Variants in KCNQ1 observed in about 807,000 individuals in gnomAD.
The protein encoded by KCNQ1 is potassium voltage-gated channel subfamily KQT member 1.
Under a neutral mutation model 72.4 loss-of-function variants are expected in KCNQ1, and 49 were observed. The observed-to-expected ratio is 0.68, with a 90% CI of 0.54 to 0.86. KCNQ1 has a LOEUF of 0.86. Ranked by LOEUF, KCNQ1 falls within the 40% of genes least tolerant of loss-of-function variation. The pLI, the probability that KCNQ1 is intolerant of heterozygous loss-of-function variation, is 0.00. For synonymous variants in KCNQ1, 450 were observed against 412.6 expected, an observed-to-expected ratio of 1.09 and a Z score of -1.10; for missense variants, 790 against 945.1, an observed-to-expected ratio of 0.84 and a Z score of 2.15.
At chr11:2,778,167 C>A in intron 15 of KCNQ1, 130 bp downstream of exon 15, 1 of 901,932 alleles carries the variant, frequency 1.1e-6, no homozygotes. Context: ...CCTACTGCAG[C>A]CTGCCCAGCA....
intron 2 of KCNQ1, among the ~76,000 whole-genome samples, chr11:2,555,239 T>C (rs1311240617): frequency 6.6e-6 from 1 of 152,200 alleles, no homozygotes; most frequent in Admixed American, 6.5e-5. Flanking sequence ...AATTCTTAAA[T>C]ATGACATTTT....
intron 11 of KCNQ1, among the ~76,000 whole-genome samples, chr11:2,739,449 C>T (rs1489463246): frequency 1.3e-5 from 2 of 152,246 alleles, no homozygotes; most frequent in Non-Finnish European, 2.9e-5. Flanking sequence ...CATATTCCCC[C>T]ACCCCCAAAG....
chr11:2,589,463 G>A (rs1300304270), intron 10 of KCNQ1, among the ~76,000 whole-genome samples: 1 of 152,240 alleles, frequency 6.6e-6, no homozygotes, highest in Non-Finnish European at 1.5e-5. Flanking sequence ...CTAGGGTTTA[G>A]ATGTCCTCCA....
chr11:2,699,456 G>GCCGGGAGAGTGCCGCGCTGAGGAGCCC (rs1475356913), intron 11 of KCNQ1: 17 of 397,168 alleles, frequency 4.3e-5, no homozygotes, highest in African/African-American at 3.4e-4. Flanking sequence ...CTGAGGAGCC[G>GCCGGGAGAGTGCCGCGCTGAGGAGCCC]CCGGGAGAGT....
At chr11:2,591,846 C>A (rs1848674653) in intron 10 of KCNQ1, among the ~76,000 whole-genome samples, 1 of 152,258 alleles carries the variant, frequency 6.6e-6, no homozygotes, top group African/African-American at 2.4e-5. Flanking sequence ...TTTCTGGAGC[C>A]TGAGCTGTTG....
intron 11 of KCNQ1, among the ~76,000 whole-genome samples, chr11:2,716,029 C>T (rs1451439833): frequency 6.6e-6 from 1 of 152,218 alleles, no homozygotes; most frequent in Non-Finnish European, 1.5e-5. Context: ...CCTTTGACCT[C>T]TCATGCACTG....
At chr11:2,751,157 C>G (rs1405149486) in intron 11 of KCNQ1, among the ~76,000 whole-genome samples, 1 of 152,222 alleles carries the variant, frequency 6.6e-6, no homozygotes, top group Non-Finnish European at 1.5e-5. Context: ...AAGGCAGTGA[C>G]TGGTTTTGCC....
Position 2,445,364 on chromosome 11 carries a change from C to T in KCNQ1, c.266C>T (p.Pro89Leu), listed in dbSNP as rs1195965783. 5 of 1,597,380 alleles carry T rather than the reference C, an allele frequency of 3.1e-6. No individual in the cohort carries two copies. The highest frequency in any genetic ancestry group is 2.2e-5 in the East Asian group (1 of 44,816). The change falls in exon 1 of 16, where the codon CCG (proline) becomes CTG (leucine). Residue 89 changes from proline (P) to leucine (L), a missense_variant. By Grantham distance (98) the Pro-to-Leu change is moderately conservative (BLOSUM62 -3). Transcript: ENST00000155840. ...LGPRPPVSLD[P>L]RVSIYSTRRP... is the part of the protein sequence containing the mutation. ...CCGCGGCCGCCGGTGAGCCTAGACC[C>T]GCGCGTCTCCATCTACAGCACGCGC... is the stretch of plus-strand genomic sequence containing the variant.
At chr11:2,773,941 T>G (rs1846647822) in intron 12 of KCNQ1, among the ~76,000 whole-genome samples, 1 of 147,944 alleles carries the variant, frequency 6.8e-6, no homozygotes, top group Admixed American at 6.7e-5. Context: ...AGAGACAGGG[T>G]TCAGCATCCC....
rs541583368 is a variant in KCNQ1 at position 2,550,095 on chromosome 11, G to A, written c.478-20533G>A. ...GTGGATGTATCTGTATGTCTTTGCG[G>A]AGCTCAGATGAGAGATGCTCAGAGT... On this transcript the variant is annotated intron_variant, in intron 2 of 15. Coordinates refer to ENST00000155840, the MANE Select transcript of KCNQ1 (RefSeq NM_000218.3). This position sits in a 1 kb window ranked among gnomAD's most constrained non-coding sequence, Gnocchi z 6.0. Among the ~76,000 whole-genome samples the A allele has an allele frequency of 5.3e-5, 8 of 152,276 alleles. No homozygotes were observed. In the East Asian group the frequency reaches 1.5e-3, roughly 29 times the overall value.
Position 2,447,087 on chromosome 11 carries a change from G to C in KCNQ1, c.386+1603G>C, listed in dbSNP as rs1846049672. On this transcript the variant is annotated intron_variant, in intron 1 of 15. Transcript: ENST00000155840. The surrounding 1 kb of genome is among the most constrained non-coding windows in gnomAD (Gnocchi z 7.6). ...TCAATTCTCACTTGTATTCAGGTTT[G>C]TGGACACATGCCTCCGGGCTCACTG... Among the ~76,000 whole-genome samples the C allele has an allele frequency of 6.6e-6, 1 of 152,228 alleles. No homozygotes were observed. Among genetic ancestry groups the C allele is most frequent in the Non-Finnish European group, 1.5e-5 (1 of 68,048 alleles).
At chr11:2,535,262 G>A (rs956326162) in intron 2 of KCNQ1, among the ~76,000 whole-genome samples, 1 of 152,228 alleles carries the variant, frequency 6.6e-6, no homozygotes, top group African/African-American at 2.4e-5. Context: ...CCAGGGGCAG[G>A]TGGAGCAGGG....
intron 11 of KCNQ1, among the ~76,000 whole-genome samples, chr11:2,742,132 C>G (rs1319083571): frequency 6.6e-6 from 1 of 152,284 alleles, no homozygotes; most frequent in Non-Finnish European, 1.5e-5. Context: ...AAGAAACAGA[C>G]TTGCCCTGCC....
chr11:2,670,998 T>C lies in KCNQ1; in HGVS notation c.1514+8917T>C, dbSNP rs781257264. The C allele has an allele frequency of 4.0e-4, 158 of 398,466 alleles. No homozygotes were observed. The highest frequency in any genetic ancestry group is 6.2e-4 in the Non-Finnish European group (140 of 226,066). The allele number at this position is 398,466 out of a possible 1,614,324, so 24.7% of individuals were successfully genotyped here. On this transcript the variant is annotated intron_variant, in intron 11 of 15. Transcript: ENST00000155840. This position sits in a 1 kb window ranked among gnomAD's most constrained non-coding sequence, Gnocchi z 4.9. Reference sequence around the variant, plus strand: ...TGGCTAGGCATTCATGCTTTAGATATGTGGGCCCTGTTAGGGACAACGTAG... The same window carrying C: ...TGGCTAGGCATTCATGCTTTAGATACGTGGGCCCTGTTAGGGACAACGTAG...
chr11:2,455,537 G>C (rs1846179551), intron 1 of KCNQ1, among the ~76,000 whole-genome samples: 1 of 152,230 alleles, frequency 6.6e-6, no homozygotes, highest in Non-Finnish European at 1.5e-5. Context: ...CTACACAAGA[G>C]TTACAAAACA....
chr11:2,673,941 C>G lies in KCNQ1; in HGVS notation c.1514+11860C>G, dbSNP rs1052691884. The G allele has an allele frequency of 5.1e-6, 2 of 394,560 alleles. No individual in the cohort carries two copies. The highest frequency in any genetic ancestry group is 4.3e-5 in the African/African-American group (2 of 47,044). The allele number at this position is 394,560 out of a possible 1,614,324, so 24.4% of individuals were successfully genotyped here. A position where few individuals can be genotyped will look rare whatever the true frequency, so the allele number is the denominator to read the frequency against. On this transcript the variant is annotated intron_variant, in intron 11 of 15. Coordinates refer to ENST00000155840, the MANE Select transcript of KCNQ1 (RefSeq NM_000218.3). This position sits in a 1 kb window ranked among gnomAD's most constrained non-coding sequence, Gnocchi z 4.5. ...TAGACAAGGGAGTGTGTCTCTTTCC[C>G]CATGAGTGACAGCAGCCACAAGGGG...
chr11:2,516,949 T>C lies in KCNQ1; in HGVS notation c.387-10979T>C, dbSNP rs946268417. 1.3e-5 allele frequency among the ~76,000 whole-genome samples: 2 copies of C among 152,144 alleles called. No individual in the cohort carries two copies. The highest frequency in any genetic ancestry group is 2.9e-5 in the Non-Finnish European group (2 of 68,008). On this transcript the variant is annotated intron_variant, in intron 1 of 15. Transcript: ENST00000155840. The surrounding 1 kb of genome is among the most constrained non-coding windows in gnomAD (Gnocchi z 7.0). ...GGCTGCCCGAGGGTCCCCCAGCACC[T>C]GTCCCTCTAGGGCCTCTGAAGGGCT...
rs1232659374 is a variant in KCNQ1 at position 2,450,537 on chromosome 11, T to C, written c.386+5053T>C. Among the ~76,000 whole-genome samples, 4 of 152,042 alleles carry C rather than the reference T, an allele frequency of 2.6e-5. No homozygotes were observed. The highest frequency in any genetic ancestry group is 5.9e-5 in the Non-Finnish European group (4 of 68,010). ...GGAGGTGCCTTGGGGCTGGCCAGTA[T>C]GGGATTGCTGTCACTGTGGGTCACT... On this transcript the variant is annotated intron_variant, in intron 1 of 15. Transcript: ENST00000155840. This position sits in a 1 kb window ranked among gnomAD's most constrained non-coding sequence, Gnocchi z 7.9.
At chr11:2,807,059 G>T (rs945343883) in intron 15 of KCNQ1, among the ~76,000 whole-genome samples, 6 of 152,232 alleles carry the variant, frequency 3.9e-5, no homozygotes, top group Admixed American at 6.5e-5. Context: ...CTTTCGGAAG[G>T]CGCCAGTGTT....
Sources: allele counts gnomAD v4.1 joint callset (sites outside exome capture counted in the v4.1 genomes callset), GRCh38; gene constraint gnomAD v4.1.1; non-coding constraint Gnocchi (gnomAD v3.1); transcripts MANE v1.5; gene names NCBI Gene and HGNC (gene_info 2026-07-23, HGNC 2026-07-21).